Variants in LPP observed in about 807,000 individuals in gnomAD.
LPP encodes the protein LIM domain containing preferred translocation partner in lipoma.
A neutral mutation model predicts 60.4 loss-of-function variants in LPP; 38 were observed. The observed-to-expected ratio is 0.63, with a 90% CI of 0.49 to 0.83. LPP has a LOEUF of 0.83. Ranked by LOEUF, LPP falls within the 40% of genes least tolerant of loss-of-function variation. The pLI, the probability that LPP is intolerant of heterozygous loss-of-function variation, is 0.00. For synonymous variants in LPP, 328 were observed against 290.8 expected (o/e 1.13, Z -1.30); for missense variants, 902 against 783.6 (o/e 1.15, Z -1.80).
At chr3:188,304,641 A>C (rs564971884) in intron 2 of LPP, among the ~76,000 whole-genome samples, 15 of 152,302 alleles carry the variant, frequency 9.8e-5, no homozygotes, top group African/African-American at 3.6e-4. Context: ...GTTTCCCTGG[A>C]GAGCTTAACA....
chr3:188,545,568 C>T (rs1826410167), intron 6 of LPP, among the ~76,000 whole-genome samples: 1 of 151,950 alleles, frequency 6.6e-6, no homozygotes. Context: ...GCCCATGTGC[C>T]TCGATTTGGG....
In LPP at chr3:188,888,529, G is replaced by A. The variant is rs1300502313; in HGVS notation, c.*14050G>A. 1 of 228,072 alleles carries A rather than the reference G, an allele frequency of 4.4e-6. No individual in the cohort carries two copies. The highest frequency in any genetic ancestry group is 6.3e-5 in the East Asian group (1 of 15,970). 14.1% of individuals were successfully genotyped at this position (228,072 alleles called of 1,614,324 possible). A position where few individuals can be genotyped will look rare whatever the true frequency, so the allele number is the denominator to read the frequency against. ...CTTTGCGAGACTGACTCAAATCTGT[G>A]ATCTTCTGTTCAGCATACACATCAG... On this transcript the variant is annotated 3_prime_UTR_variant, in exon 12 of 12. Transcript: ENST00000617246.
At chr3:188,857,447 C>A (rs116620478) in intron 9 of LPP, among the ~76,000 whole-genome samples, 2 of 152,130 alleles carry the variant, frequency 1.3e-5, no homozygotes, top group Non-Finnish European at 2.9e-5. Context: ...TCATGTAATG[C>A]GGAAAAGAAT....
chr3:188,576,922 T>C (rs1434159304), intron 6 of LPP, among the ~76,000 whole-genome samples: 1 of 152,218 alleles, frequency 6.6e-6, no homozygotes, highest in Non-Finnish European at 1.5e-5. Context: ...TTTTCAGACA[T>C]CCAGGTCCTT....
At chr3:188,633,515 C>T (rs1848201879) in intron 7 of LPP, among the ~76,000 whole-genome samples, 1 of 152,164 alleles carries the variant, frequency 6.6e-6, no homozygotes, top group Non-Finnish European at 1.5e-5. Context: ...ATAAGAAAGA[C>T]TATACAAAAC....
intron 9 of LPP, among the ~76,000 whole-genome samples, chr3:188,803,798 C>T (rs986880894): frequency 1.3e-5 from 2 of 152,086 alleles, no homozygotes; most frequent in African/African-American, 2.4e-5. Flanking sequence ...AGTTAGTTCA[C>T]CTTTGCATAT....
At chr3:188,800,534 C>T (rs1214518476) in intron 9 of LPP, among the ~76,000 whole-genome samples, 5 of 152,110 alleles carry the variant, frequency 3.3e-5, no homozygotes, top group Admixed American at 1.3e-4. Context: ...CGTGAGCCAC[C>T]ACACCCGGCC....
chr3:188,376,765 T>C (rs1248990201), intron 3 of LPP, among the ~76,000 whole-genome samples: 1 of 152,186 alleles, frequency 6.6e-6, no homozygotes, highest in African/African-American at 2.4e-5. Flanking sequence ...TAGCTGGTTA[T>C]TTTGCTCGCT....
chr3:188,887,770 T>A lies in LPP; in HGVS notation c.*13291T>A, dbSNP rs1376480415. Reference sequence around the variant, plus strand: ...GACATTTAGGACCCTAGAAACTAAATCTTGTCACCAAGACTTTATAGTAAA... The same window carrying A: ...GACATTTAGGACCCTAGAAACTAAAACTTGTCACCAAGACTTTATAGTAAA... On this transcript the variant is annotated 3_prime_UTR_variant, in exon 12 of 12. Coordinates refer to ENST00000617246, the MANE Select transcript of LPP (RefSeq NM_001375462.1). 4.8e-6 allele frequency: 1 copy of A among 209,580 alleles called. No individual in the cohort carries two copies. Among genetic ancestry groups the A allele is most frequent in the Non-Finnish European group, 9.7e-6 (1 of 103,126 alleles). The allele number at this position is 209,580 out of a possible 1,614,324, so 13.0% of individuals were successfully genotyped here.
At chr3:188,614,542 AC>A (rs1352835607) in intron 7 of LPP, among the ~76,000 whole-genome samples, 1 of 152,186 alleles carries the variant, frequency 6.6e-6, no homozygotes, top group Non-Finnish European at 1.5e-5. Context: ...TGTGGAGCTC[AC>A]AAAATCCATG....
At chr3:188,749,029 A>T (rs1727206580) in intron 8 of LPP, among the ~76,000 whole-genome samples, 1 of 152,128 alleles carries the variant, frequency 6.6e-6, no homozygotes, top group Admixed American at 6.5e-5. Context: ...AAAACACCAC[A>T]GTGTTTCAGA....
At chr3:188,514,633 C>T (rs908205552) in intron 5 of LPP, among the ~76,000 whole-genome samples, 3 of 151,774 alleles carry the variant, frequency 2.0e-5, no homozygotes, top group Admixed American at 6.6e-5. Flanking sequence ...GTAGAGATGG[C>T]GTTTCGCCAT....
In LPP at chr3:188,363,036, A is replaced by AT. The variant is rs5855190; in HGVS notation, c.-10+21329dup. On this transcript the variant is annotated intron_variant, in intron 3 of 11. Transcript: ENST00000617246. Reference sequence around the variant, plus strand: ...CAATTATTATCTATTTATTTTATTTATTTTTTTTTTTTACAACTGATGGGA... The same window carrying AT: ...CAATTATTATCTATTTATTTTATTTATTTTTTTTTTTTTACAACTGATGGGA... Among the ~76,000 whole-genome samples, 365 of 149,004 alleles carry AT rather than the reference A, an allele frequency of 2.4e-3. 3 individuals are homozygous for AT. Among genetic ancestry groups the AT allele is most frequent in the African/African-American group, 8.7e-3 (353 of 40,808 alleles).
chr3:188,367,187 C>T (rs546375333), intron 3 of LPP, among the ~76,000 whole-genome samples: 5 of 151,934 alleles, frequency 3.3e-5, no homozygotes, highest in African/African-American at 9.7e-5. Flanking sequence ...TGAGCCACTG[C>T]ACCTGGCCAG....
At chr3:188,258,991 CAA>C (rs2149664211) in intron 2 of LPP, among the ~76,000 whole-genome samples, 1 of 152,212 alleles carries the variant, frequency 6.6e-6, no homozygotes, top group South Asian at 2.1e-4. Context: ...TGGGAGCAAC[CAA>C]AAGTCAGTGC....
At chr3:188,560,873 CAGT>C (rs1830516367) in intron 6 of LPP, among the ~76,000 whole-genome samples, 1 of 152,008 alleles carries the variant, frequency 6.6e-6, no homozygotes, top group Non-Finnish European at 1.5e-5. Context: ...ATTGAAGTCT[CAGT>C]AGTAACTCCT....
chr3:188,528,307 A>G (rs542315193), intron 6 of LPP, among the ~76,000 whole-genome samples: 126 of 152,176 alleles, frequency 8.3e-4, no homozygotes, highest in African/African-American at 2.9e-3. Flanking sequence ...GGTTACAGGC[A>G]TGAGCCACCG....
Position 188,286,529 on chromosome 3 carries a change from A to G in LPP, c.-66-55134A>G, listed in dbSNP as rs147268520. ...ACAGTATTTTCTCTGTTACTGCTTT[A>G]TGGGGTTTAGTGTGGAAATTAAAGA... On this transcript the variant is annotated intron_variant, in intron 2 of 11. Transcript: ENST00000617246. 3.7e-3 allele frequency among the ~76,000 whole-genome samples: 569 copies of G among 152,258 alleles called. 6 individuals are homozygous for G. The highest frequency in any genetic ancestry group is 0.013 in the African/African-American group (533 of 41,538).
At chr3:188,179,100 G>GAGAC (rs1724063682) in intron 1 of LPP, 2 of 345,022 alleles carry the variant, frequency 5.8e-6, no homozygotes, top group Admixed American at 7.6e-5. Context: ...GAGACAGAGA[G>GAGAC]AGAGAGAGAG....
Sources: allele counts gnomAD v4.1 joint callset (sites outside exome capture counted in the v4.1 genomes callset), GRCh38; gene constraint gnomAD v4.1.1; transcripts MANE v1.5; gene names NCBI Gene and HGNC (gene_info 2026-07-23, HGNC 2026-07-21).